CSMD1: variants seen among roughly 807,000 people sequenced by gnomAD.
CSMD1 encodes the protein CUB and sushi domain-containing protein 1.
A neutral mutation model predicts 417.5 loss-of-function variants in CSMD1; 213 were observed. That is an observed-to-expected ratio of 0.51 (90% CI 0.46 to 0.57). The LOEUF is 0.57. Among genes scored for constraint, CSMD1 ranks in the 20% least tolerant of loss-of-function variants. CSMD1 has a pLI of 0.00. For missense variants in CSMD1, 6,923 were observed against 4,529.7 expected (o/e 1.53, Z -15.17); for synonymous variants, 2,862 against 1,736.8 (o/e 1.65, Z -16.11).
In CSMD1 at chr8:4,056,984, T is replaced by C. The variant is rs911378552; in HGVS notation, c.416-24885A>G. ...AAGTCTTTGCTATTGTGAATACTGC[T>C]GCAATAAACATACGTGTGCATGTGT... On this transcript the variant is annotated intron_variant, in intron 3 of 69. Transcript: ENST00000635120. Among the ~76,000 whole-genome samples the C allele has an allele frequency of 1.2e-4, 19 of 152,308 alleles. No individual in the cohort carries two copies. In the East Asian group the frequency reaches 1.5e-3, roughly 12 times the overall value.
chr8:4,602,713 T>C (rs1585315705), intron 2 of CSMD1, among the ~76,000 whole-genome samples: 1 of 152,182 alleles, frequency 6.6e-6, no homozygotes, highest in East Asian at 1.9e-4. Context: ...ATTGTTGTTA[T>C]CTACAAGGAA....
At chr8:4,682,955 CATATATATATAT>C (rs10566841) in intron 1 of CSMD1, among the ~76,000 whole-genome samples, 2,689 of 118,366 alleles carry the variant, frequency 0.023, 76 homozygotes, top group African/African-American at 0.069. Context: ...TAAGTATCTT[CATATATATATAT>C]ATATATATAT....
chr8:4,830,012 C>A (rs1800059315), intron 1 of CSMD1, among the ~76,000 whole-genome samples: 4 of 152,202 alleles, frequency 2.6e-5, no homozygotes. Context: ...TCGTGATGAA[C>A]TGCCTGTCCT....
intron 7 of CSMD1, among the ~76,000 whole-genome samples, chr8:3,678,973 C>A (rs1322748374): frequency 6.6e-6 from 1 of 152,138 alleles, no homozygotes. Context: ...ACTTCACAGA[C>A]AAGCAAATGC....
In CSMD1 at chr8:3,289,877, C is replaced by T. The variant is rs571561369; in HGVS notation, c.3951-5531G>A. 1.1e-4 allele frequency among the ~76,000 whole-genome samples: 16 copies of T among 147,508 alleles called. 2 individuals carry two copies. The highest frequency in any genetic ancestry group is 3.8e-4 in the African/African-American group (14 of 37,328). ...TGGCTTTTGTTGCCATTGCTTTTGGCATTTTAGACATGAAGTCCTTACCCA... is the reference window on the plus strand; with the variant it reads ...TGGCTTTTGTTGCCATTGCTTTTGGTATTTTAGACATGAAGTCCTTACCCA... On this transcript the variant is annotated intron_variant, in intron 25 of 69. Transcript: ENST00000635120.
intron 6 of CSMD1, among the ~76,000 whole-genome samples, chr8:3,749,187 T>C (rs1001469985): frequency 6.6e-6 from 1 of 152,190 alleles, no homozygotes; most frequent in Non-Finnish European, 1.5e-5. Flanking sequence ...TAATTATAAT[T>C]AATGATGGAG....
chr8:4,887,517 C>T (rs1311743284), intron 1 of CSMD1, among the ~76,000 whole-genome samples: 3 of 151,828 alleles, frequency 2.0e-5, no homozygotes, highest in South Asian at 2.1e-4. Flanking sequence ...TCTTCTAGTT[C>T]CTTGTTATTT....
chr8:2,943,256 C>A (rs999464296), intron 68 of CSMD1, among the ~76,000 whole-genome samples: 1 of 149,602 alleles, frequency 6.7e-6, no homozygotes, highest in Non-Finnish European at 1.5e-5. Context: ...GAGACAGAGT[C>A]TCACCCTGTT....
intron 10 of CSMD1, among the ~76,000 whole-genome samples, chr8:3,532,444 C>G (rs1267752723): frequency 6.6e-6 from 1 of 152,154 alleles, no homozygotes; most frequent in Admixed American, 6.5e-5. Flanking sequence ...CTCCTCCTTC[C>G]TAAAACAGCT....
rs974776856 is a variant in CSMD1, at chr8:3,110,105, G to C, written c.6608+53C>G. The C allele has an allele frequency of 2.8e-6, 4 of 1,448,044 alleles. No homozygotes were observed. The African/African-American group carries it at 5.7e-5, about 21-fold the overall frequency. 89.7% of individuals were successfully genotyped at this position (1,448,044 alleles called of 1,614,324 possible). ...TATATAAGTGGCATATGTATGCTAA[G>C]TCAGAATTGTTGATCACAATTACAG... On this transcript the variant is annotated intron_variant, in intron 43 of 69. Coordinates refer to ENST00000635120, the MANE Select transcript of CSMD1 (RefSeq NM_033225.6).
At chr8:3,735,531 G>A (rs1219928765) in intron 6 of CSMD1, among the ~76,000 whole-genome samples, 1 of 152,196 alleles carries the variant, frequency 6.6e-6, no homozygotes, top group Admixed American at 6.5e-5. Flanking sequence ...CAGTTACACA[G>A]TAAAAAGCAA....
At chr8:3,224,555 T>C (rs1563159292) in intron 27 of CSMD1, among the ~76,000 whole-genome samples, 2 of 152,204 alleles carry the variant, frequency 1.3e-5, no homozygotes, top group African/African-American at 4.8e-5. Flanking sequence ...GCTCTAAGTA[T>C]ACATATCAGT....
chr8:3,642,273 T>C (rs982618238), intron 7 of CSMD1, among the ~76,000 whole-genome samples: 2 of 152,038 alleles, frequency 1.3e-5, no homozygotes, highest in African/African-American at 4.8e-5. Context: ...ACTTGACTAA[T>C]AGTAAATTCA....
intron 1 of CSMD1, among the ~76,000 whole-genome samples, chr8:4,798,627 T>C (rs1299525878): frequency 1.3e-5 from 2 of 152,126 alleles, no homozygotes; most frequent in Non-Finnish European, 2.9e-5. Flanking sequence ...AAAATTCGTC[T>C]AAAACCTGGT....
intron 4 of CSMD1, among the ~76,000 whole-genome samples, chr8:4,008,038 T>C (rs889723334): frequency 3.9e-5 from 6 of 152,236 alleles, no homozygotes; most frequent in African/African-American, 1.4e-4. Flanking sequence ...TTTGCTTTGC[T>C]TGTTTTCAGC....
chr8:4,251,670 G>A (rs902622134), intron 3 of CSMD1, among the ~76,000 whole-genome samples: 2 of 152,118 alleles, frequency 1.3e-5, no homozygotes, highest in African/African-American at 4.8e-5. Context: ...AATAGTCTGG[G>A]ATTGGTGGGG....
intron 28 of CSMD1, among the ~76,000 whole-genome samples, chr8:3,222,311 GTTCAAT>G (rs1394150372): frequency 6.9e-6 from 1 of 145,976 alleles, no homozygotes; most frequent in Non-Finnish European, 1.5e-5. Flanking sequence ...AAGGTTTTGT[GTTCAAT>G]TTCATTTTTT....
At chr8:3,314,908 T>A (rs750469905) in intron 23 of CSMD1, among the ~76,000 whole-genome samples, 1 of 152,240 alleles carries the variant, frequency 6.6e-6, no homozygotes, top group South Asian at 2.1e-4. Flanking sequence ...CTCACAGTAA[T>A]GTGAGTTTTT....
At chr8:3,650,688 T>C (rs762730912) in intron 7 of CSMD1, among the ~76,000 whole-genome samples, 7 of 152,202 alleles carry the variant, frequency 4.6e-5, no homozygotes, top group Non-Finnish European at 1.0e-4. Context: ...TGGTAAATTA[T>C]CAATGCTGGC....
Sources: gnomAD v4.1 joint callset for allele counts (sites outside exome capture counted in the v4.1 genomes callset) on GRCh38, gnomAD v4.1.1 for gene constraint, MANE v1.5 for transcripts, NCBI Gene and HGNC (gene_info 2026-07-23, HGNC 2026-07-21) for gene names.